Variants in MIA2 observed in about 807,000 individuals in gnomAD.
MIA2 encodes the protein MIA SH3 domain ER export factor 2.
MIA2 carries 127 observed loss-of-function variants against 167.8 expected under a neutral mutation model. The observed-to-expected ratio is 0.76, with a 90% CI of 0.66 to 0.88. The LOEUF (loss-of-function observed/expected upper bound fraction) is 0.88, where lower values mean the gene tolerates loss of function less well. Ranked by LOEUF, MIA2 falls within the 40% of genes least tolerant of loss-of-function variation. MIA2 has a pLI of 0.00. For synonymous variants in MIA2, 552 were observed against 541.9 expected (o/e 1.02, Z -0.26); for missense variants, 1,690 against 1,624.7 (o/e 1.04, Z -0.69).
chr14:39,348,542 T>A (rs2073895276), intron 27 of MIA2, among the ~76,000 whole-genome samples: 1 of 152,184 alleles, frequency 6.6e-6, no homozygotes, highest in African/African-American at 2.4e-5. Context: ...TGTTTTCTGT[T>A]GACTTAATAA....
chr14:39,236,914 T>C lies in MIA2; in HGVS notation c.116-8T>C. The C allele has an allele frequency of 6.3e-7, 1 of 1,596,622 alleles. No homozygotes were observed. Among genetic ancestry groups the C allele is most frequent in the Non-Finnish European group, 8.5e-7 (1 of 1,175,356 alleles). ...AAGTGTGTATTTTTCTTTACATGTT[T>C]TACATAGCTTTAATAAACAGAGTCT... On this transcript the variant is annotated splice_region_variant and splice_polypyrimidine_tract_variant and intron_variant, in intron 1 of 28. Coordinates refer to ENST00000640607, the MANE Select transcript of MIA2 (RefSeq NM_001329214.4).
intron 23 of MIA2, among the ~76,000 whole-genome samples, chr14:39,384,241 T>C (rs2075225326): frequency 6.6e-6 from 1 of 152,222 alleles, no homozygotes. Flanking sequence ...TTAAATCTGC[T>C]CTGCCTGTGC....
chr14:39,359,755 G>A (rs951831207), intron 23 of MIA2, among the ~76,000 whole-genome samples: 2 of 152,276 alleles, frequency 1.3e-5, no homozygotes, highest in East Asian at 1.9e-4. Context: ...GGTTGATGAC[G>A]TGTCTTTGCT....
chr14:39,311,268 T>C (rs1002352281), intron 18 of MIA2, among the ~76,000 whole-genome samples: 3 of 152,168 alleles, frequency 2.0e-5, no homozygotes, highest in African/African-American at 4.8e-5. Context: ...CAATGAATTA[T>C]GCCATTGGCA....
intron 6 of MIA2, among the ~76,000 whole-genome samples, chr14:39,264,363 T>G (rs1162141753): frequency 6.6e-6 from 1 of 152,126 alleles, no homozygotes; most frequent in East Asian, 1.9e-4. Flanking sequence ...GCACCTAGGG[T>G]GAGTCCATGT....
At chr14:39,268,008 T>C (rs1435483897) in intron 6 of MIA2, among the ~76,000 whole-genome samples, 1 of 149,672 alleles carries the variant, frequency 6.7e-6, no homozygotes, top group Admixed American at 6.6e-5. Context: ...AAAGAATGAA[T>C]GCCCTTTTGA....
intron 9 of MIA2, 86 bp from the exon 10 acceptor site, chr14:39,290,933 A>G: frequency 1.7e-6 from 2 of 1,209,868 alleles, no homozygotes; most frequent in Non-Finnish European, 2.3e-6. Flanking sequence ...GTGGAAATGG[A>G]TTCTGTCTGC....
intron 23 of MIA2, among the ~76,000 whole-genome samples, chr14:39,376,824 A>G (rs1468455112): frequency 1.3e-5 from 2 of 152,204 alleles, no homozygotes; most frequent in Non-Finnish European, 1.5e-5. Flanking sequence ...ATAAAACCAC[A>G]TAGGGGAATA....
intron 23 of MIA2, among the ~76,000 whole-genome samples, chr14:39,367,668 C>G (rs1416564377): frequency 1.3e-5 from 2 of 152,218 alleles, no homozygotes; most frequent in Admixed American, 1.3e-4. Flanking sequence ...TGTCACTTCT[C>G]TATTCCATTC....
Position 39,288,432 on chromosome 14 carries a change from CATATATATATATATATAT to C in MIA2, c.2131-2560_2131-2543del, listed in dbSNP as rs759995143. 5.7e-5 allele frequency among the ~76,000 whole-genome samples: 3 copies of C among 52,896 alleles called. 1 individual carries two copies. The highest frequency in any genetic ancestry group is 1.6e-4 in the African/African-American group (2 of 12,574). 34.7% of individuals were successfully genotyped at this position (52,896 alleles called of 152,430 possible). A position where few individuals can be genotyped will look rare whatever the true frequency, so the allele number is the denominator to read the frequency against. ...TTGATTTGAGCGTGTATATATTATA[CATATATATATATATATAT>C]ATATATATATATATATATATATATA... On this transcript the variant is annotated intron_variant, in intron 9 of 28. Coordinates refer to ENST00000640607, the MANE Select transcript of MIA2 (RefSeq NM_001329214.4).
intron 25 of MIA2, among the ~76,000 whole-genome samples, chr14:39,340,461 A>G (rs913827643): frequency 6.6e-6 from 1 of 152,228 alleles, no homozygotes; most frequent in South Asian, 2.1e-4. Context: ...AAGCAGATCA[A>G]AATACCTTGG....
At chr14:39,386,996 T>C (rs1355649173) in exon 24 of MIA2, 2 of 752,172 alleles carry the variant, frequency 2.7e-6, no homozygotes, top group Non-Finnish European at 4.6e-6. Context: ...CTGTGACGAC[T>C]CGTATCTGTT....
Position 39,350,279 on chromosome 14 carries a change from T to C in MIA2, c.*15T>C, listed in dbSNP as rs1024416670. The C allele has an allele frequency of 3.9e-6, 5 of 1,272,002 alleles. No homozygotes were observed. The East Asian group carries it at 1.1e-4, about 28-fold the overall frequency. 78.8% of individuals were successfully genotyped at this position (1,272,002 alleles called of 1,614,324 possible). The stretch of plus-strand genomic sequence containing the variant: ...AAGAAACCTGACAATATTTTTGCTC[T>C]CTTCAAAAGTAATTTTGACTGATCT... On this transcript the variant is annotated 3_prime_UTR_variant, in exon 29 of 29. Transcript: ENST00000640607.
At chr14:39,378,893 G>T (rs928194308) in intron 23 of MIA2, among the ~76,000 whole-genome samples, 17 of 152,136 alleles carry the variant, frequency 1.1e-4, no homozygotes, top group African/African-American at 4.1e-4. Context: ...TAAAATACTT[G>T]ATATTGCAAA....
At chr14:39,371,940 G>T (rs945713235) in intron 23 of MIA2, among the ~76,000 whole-genome samples, 7 of 152,010 alleles carry the variant, frequency 4.6e-5, no homozygotes, top group African/African-American at 1.7e-4. Context: ...TACTTCAGAA[G>T]GGGGAGAGAG....
At chr14:39,319,092 G>A (rs866491799) in intron 22 of MIA2, 117 bp from the exon 23 acceptor site, 17 of 469,186 alleles carry the variant, frequency 3.6e-5, no homozygotes, top group African/African-American at 3.1e-4. Context: ...TAGAGGATCT[G>A]TTTGTTCTGT....
chr14:39,312,805 C>CTAT (rs892960100), intron 18 of MIA2, among the ~76,000 whole-genome samples: 2 of 151,742 alleles, frequency 1.3e-5, no homozygotes, highest in African/African-American at 4.8e-5. Flanking sequence ...AATAAGTTAT[C>CTAT]TATTATTATT....
chr14:39,294,160 G>C, intron 12 of MIA2, 89 bp downstream of exon 12: 1 of 910,408 alleles, frequency 1.1e-6, no homozygotes. Flanking sequence ...ACAATAGTAG[G>C]ATTTGAGATA....
Position 39,313,417 on chromosome 14 carries a change from C to T in MIA2, c.3095C>T (p.Ala1032Val). 6.2e-7 allele frequency: 1 copy of T among 1,600,712 alleles called. No homozygotes were observed. The highest frequency in any genetic ancestry group is 8.5e-7 in the Non-Finnish European group (1 of 1,173,422). Residue 1032 changes from alanine to valine, a missense_variant, in exon 19 of 29, where the codon GCC (alanine) becomes GTC (valine). Transcript: ENST00000640607. ...LSKVDEKISH[A>V]TEELETYRKR... is the part of the protein sequence containing the mutation. ...AAAGTAGATGAAAAGATCAGCCATG[C>T]CACTGAAGAGCTGGAGACCTATAGG...
Sources: allele counts gnomAD v4.1 joint callset (sites outside exome capture counted in the v4.1 genomes callset), GRCh38; gene constraint gnomAD v4.1.1; transcripts MANE v1.5; gene names NCBI Gene and HGNC (gene_info 2026-07-23, HGNC 2026-07-21).